NTF3: variants seen among roughly 807,000 people sequenced by gnomAD.
NTF3 encodes neurotrophin 3, also known as neurotrophin-3.
Under a neutral mutation model 26.3 loss-of-function variants are expected in NTF3, and 8 were observed. The ratio of observed to expected loss-of-function variants is 0.30; its 90% confidence interval spans 0.18 to 0.55. The LOEUF (loss-of-function observed/expected upper bound fraction) is 0.55, where lower values mean the gene tolerates loss of function less well. NTF3 is among the 20% of genes least tolerant of loss of function. NTF3 has a pLI of 0.93. For missense variants in NTF3, 276 were observed against 352.9 expected (o/e 0.78, Z 1.75); for synonymous variants, 154 against 145.5 (o/e 1.06, Z -0.42).
chr12:5,452,373 G>A (rs924134515), intron 1 of NTF3, among the ~76,000 whole-genome samples: 2 of 152,284 alleles, frequency 1.3e-5, no homozygotes, highest in South Asian at 2.1e-4. Context: ...GGAATTACAG[G>A]CGTGAGCCAC....
intron 1 of NTF3, among the ~76,000 whole-genome samples, chr12:5,492,453 T>A (rs1282148749): frequency 6.6e-6 from 1 of 152,220 alleles, no homozygotes; most frequent in Admixed American, 6.5e-5. Flanking sequence ...TATGCCATAT[T>A]TTTTGTATTG....
intron 1 of NTF3, among the ~76,000 whole-genome samples, chr12:5,441,654 G>C (rs910802818): frequency 1.3e-4 from 20 of 152,196 alleles, no homozygotes; most frequent in African/African-American, 4.1e-4. Flanking sequence ...CTTGAATAGC[G>C]ACAGCCACAG....
chr12:5,461,569 C>T (rs1177025936), intron 1 of NTF3, among the ~76,000 whole-genome samples: 8 of 152,044 alleles, frequency 5.3e-5, no homozygotes, highest in Admixed American at 5.2e-4. Flanking sequence ...TGCCTTTTGA[C>T]CCCCAAGCCA....
chr12:5,447,962 C>A (rs1359575140), intron 1 of NTF3, among the ~76,000 whole-genome samples: 1 of 152,184 alleles, frequency 6.6e-6, no homozygotes, highest in Non-Finnish European at 1.5e-5. Flanking sequence ...GGGACATGGG[C>A]ATGCACTGCA....
intron 1 of NTF3, among the ~76,000 whole-genome samples, chr12:5,451,967 A>G (rs1327261311): frequency 2.0e-5 from 3 of 152,208 alleles, no homozygotes; most frequent in Admixed American, 2.0e-4. Context: ...TGCTGGGATT[A>G]CAGGCGTGAG....
At chr12:5,488,005 A>T (rs951752434) in intron 1 of NTF3, among the ~76,000 whole-genome samples, 2 of 152,192 alleles carry the variant, frequency 1.3e-5, no homozygotes, top group African/African-American at 4.8e-5. Flanking sequence ...TCCATAAGAC[A>T]GGGAGTTTCA....
intron 1 of NTF3, among the ~76,000 whole-genome samples, chr12:5,472,930 C>T (rs367717583): frequency 2.0e-5 from 3 of 152,150 alleles, no homozygotes; most frequent in African/African-American, 7.2e-5. Context: ...AAGGGGAAAA[C>T]AATTCTCCAG....
intron 1 of NTF3, among the ~76,000 whole-genome samples, chr12:5,479,006 A>G (rs1940756508): frequency 6.6e-6 from 1 of 152,218 alleles, no homozygotes; most frequent in African/African-American, 2.4e-5. Flanking sequence ...CCTCAATTAC[A>G]TTAGTTCAGT....
intron 1 of NTF3, among the ~76,000 whole-genome samples, chr12:5,482,787 C>T (rs1940822729): frequency 6.6e-6 from 1 of 151,306 alleles, no homozygotes. Flanking sequence ...CTCCCTCTCT[C>T]TGTTTCTCTC....
At chr12:5,446,989 GCTT>G (rs1290192340) in intron 1 of NTF3, among the ~76,000 whole-genome samples, 42 of 152,288 alleles carry the variant, frequency 2.8e-4, no homozygotes, top group African/African-American at 9.6e-4. Context: ...GTGGAGACAG[GCTT>G]CTTCTGCACC....
Position 5,433,932 on chromosome 12 carries a change from G to T in NTF3, c.18+1590G>T, listed in dbSNP as rs954417698. 1.3e-5 allele frequency among the ~76,000 whole-genome samples: 2 copies of T among 152,186 alleles called. No homozygotes were observed. Among genetic ancestry groups the T allele is most frequent in the African/African-American group, 2.4e-5 (1 of 41,440 alleles). ...TTTGTAACTCAGCTGATTATGGAGTGCACTGAGCGACCTGCTTTTTAAATA... is the reference window on the plus strand; with the variant it reads ...TTTGTAACTCAGCTGATTATGGAGTTCACTGAGCGACCTGCTTTTTAAATA... On this transcript the variant is annotated intron_variant, in intron 1 of 1. Coordinates refer to ENST00000423158, the MANE Select transcript of NTF3 (RefSeq NM_001102654.2). The surrounding 1 kb of genome is among the most constrained non-coding windows in gnomAD (Gnocchi z 4.6).
chr12:5,463,437 A>T (rs555320304), intron 1 of NTF3, among the ~76,000 whole-genome samples: 1 of 152,298 alleles, frequency 6.6e-6, no homozygotes, highest in East Asian at 1.9e-4. Context: ...AGGGAGTTCG[A>T]AGGTGGCAGA....
chr12:5,461,395 A>T (rs924718072), intron 1 of NTF3, among the ~76,000 whole-genome samples: 33 of 151,930 alleles, frequency 2.2e-4, no homozygotes, highest in African/African-American at 8.0e-4. Context: ...TGAAGAAGAG[A>T]TTTTTTCCCT....
chr12:5,436,475 A>G (rs980687386), intron 1 of NTF3, among the ~76,000 whole-genome samples: 4 of 152,162 alleles, frequency 2.6e-5, no homozygotes, highest in African/African-American at 9.7e-5. Flanking sequence ...GACTTTGGGG[A>G]CATTTTTAAT....
At position 5,479,452 on chromosome 12, in the gene NTF3, C is replaced by T. The variant is rs550223355; in HGVS notation, c.19-14742C>T. Among the ~76,000 whole-genome samples, 10 of 152,282 alleles carry T rather than the reference C, an allele frequency of 6.6e-5. No homozygotes were observed. In the East Asian group the frequency reaches 9.6e-4, roughly 15 times the overall value. On this transcript the variant is annotated intron_variant, in intron 1 of 1. Transcript: ENST00000423158. ...GAGGGCTCTCCCTTAGGTTTACAGC[C>T]GGATAAAGGAGCTCCACTTACCTGG...
At chr12:5,488,940 A>G (rs562684468) in intron 1 of NTF3, among the ~76,000 whole-genome samples, 1 of 152,362 alleles carries the variant, frequency 6.6e-6, no homozygotes, top group Admixed American at 6.5e-5. Flanking sequence ...TGGCAAATTA[A>G]AATTTGCTTT....
At position 5,494,594 on chromosome 12, in the gene NTF3, C is replaced by G; in HGVS notation, c.419C>G (p.Pro140Arg). The G allele has an allele frequency of 6.2e-7, 1 of 1,614,064 alleles. No homozygotes were observed. Among genetic ancestry groups the G allele is most frequent in the Non-Finnish European group, 8.5e-7 (1 of 1,180,018 alleles). ...LYLMEDYVGS[P>R]VVANRTSRRK... ...CTCATGGAGGATTACGTGGGCAGCC[C>G]CGTGGTGGCGAACAGAACATCACGG... Residue 140 changes from proline to arginine, a missense_variant, in exon 2 of 2, where the codon CCC (proline) becomes CGC (arginine). Around this residue, in one of 3 missense-constraint regions of NTF3, gnomAD observed 221 missense variants for 258.2 expected, o/e 0.86. Coordinates refer to ENST00000423158, the MANE Select transcript of NTF3 (RefSeq NM_001102654.2). This position sits in a 1 kb window ranked among gnomAD's most constrained non-coding sequence, Gnocchi z 8.3.
chr12:5,445,481 G>A (rs112556306), intron 1 of NTF3, among the ~76,000 whole-genome samples: 38 of 152,268 alleles, frequency 2.5e-4, no homozygotes, highest in South Asian at 1.2e-3. Context: ...CAGATGGACA[G>A]CCGGCATGCC....
intron 1 of NTF3, among the ~76,000 whole-genome samples, chr12:5,470,592 G>T (rs1940652768): frequency 6.6e-6 from 1 of 152,164 alleles, no homozygotes; most frequent in Non-Finnish European, 1.5e-5. Context: ...TCTTCCCATG[G>T]CTGCAGGGCA....
Sources: allele counts gnomAD v4.1 joint callset (sites outside exome capture counted in the v4.1 genomes callset), GRCh38; gene constraint gnomAD v4.1.1; regional missense constraint gnomAD v4.1.1; non-coding constraint Gnocchi (gnomAD v3.1); transcripts MANE v1.5; gene names NCBI Gene and HGNC (gene_info 2026-07-23, HGNC 2026-07-21).